Variants in PLEKHG1 observed in about 807,000 individuals in gnomAD.
PLEKHG1 encodes the protein pleckstrin homology domain-containing family G member 1.
In PLEKHG1, 44 loss-of-function variants were observed where a neutral mutation model predicts 100.8. That is an observed-to-expected ratio of 0.44 (90% CI 0.34 to 0.56). The LOEUF (loss-of-function observed/expected upper bound fraction) is 0.56, where lower values mean the gene tolerates loss of function less well. Ranked by LOEUF, PLEKHG1 falls within the 20% of genes least tolerant of loss-of-function variation. PLEKHG1 has a pLI of 0.01. For synonymous variants in PLEKHG1, 640 were observed against 662.5 expected (o/e 0.97, Z 0.52); for missense variants, 1,545 against 1,720.9 (o/e 0.90, Z 1.81).
At chr6:150,634,382 G>A (rs1582851880) in intron 1 of PLEKHG1, among the ~76,000 whole-genome samples, 1 of 152,276 alleles carries the variant, frequency 6.6e-6, no homozygotes. Flanking sequence ...GAGCTTGATG[G>A]AGTTGGAGAA....
At chr6:150,752,587 G>A (rs1783582785) in intron 2 of PLEKHG1, among the ~76,000 whole-genome samples, 1 of 152,154 alleles carries the variant, frequency 6.6e-6, no homozygotes, top group South Asian at 2.1e-4. Context: ...ATGTTTCCAA[G>A]GTTCATTCAT....
intron 10 of PLEKHG1, among the ~76,000 whole-genome samples, chr6:150,813,520 G>C (rs1228909139): frequency 6.6e-6 from 1 of 152,048 alleles, no homozygotes; most frequent in Non-Finnish European, 1.5e-5. Flanking sequence ...AAGGTTCCCA[G>C]GGCGGGGGTG....
chr6:150,725,319 G>T (rs1205856086), intron 1 of PLEKHG1, among the ~76,000 whole-genome samples: 3 of 152,126 alleles, frequency 2.0e-5, no homozygotes, highest in Admixed American at 6.5e-5. Flanking sequence ...ACCTTGGTGA[G>T]TAAGTTTCAA....
intron 2 of PLEKHG1, among the ~76,000 whole-genome samples, chr6:150,766,636 T>G (rs1784467548): frequency 6.6e-6 from 1 of 152,224 alleles, no homozygotes; most frequent in Admixed American, 6.5e-5. Flanking sequence ...CTTTTAAAAT[T>G]TAGTTTCTCT....
At chr6:150,647,613 G>T (rs1029992858) in intron 2 of PLEKHG1, among the ~76,000 whole-genome samples, 1 of 152,094 alleles carries the variant, frequency 6.6e-6, no homozygotes, top group African/African-American at 2.4e-5. Flanking sequence ...CCGTGATTCA[G>T]TGAAGTGCAG....
chr6:150,626,120 A>G (rs1562391744), intron 1 of PLEKHG1: 1 of 138,678 alleles, frequency 7.2e-6, no homozygotes, highest in Non-Finnish European at 1.5e-5. Flanking sequence ...CCACGATGGC[A>G]AGTAAGTTAT....
chr6:150,715,948 A>C (rs1046063814), intron 3 of PLEKHG1, among the ~76,000 whole-genome samples: 2 of 148,508 alleles, frequency 1.3e-5, no homozygotes, highest in Non-Finnish European at 3.0e-5. Flanking sequence ...CTCTACTAAA[A>C]ATACAAAAAA....
At chr6:150,675,009 C>A (rs188380494) in intron 3 of PLEKHG1, among the ~76,000 whole-genome samples, 1 of 152,054 alleles carries the variant, frequency 6.6e-6, no homozygotes, top group Non-Finnish European at 1.5e-5. Context: ...TAAAAAGACA[C>A]ACACAAATTG....
chr6:150,826,314 C>T (rs575327733), intron 14 of PLEKHG1, among the ~76,000 whole-genome samples: 16 of 151,970 alleles, frequency 1.1e-4, no homozygotes, highest in East Asian at 3.9e-4. Context: ...AAAAATTAGC[C>T]GGGCATAGCG....
chr6:150,831,235 C>T lies in PLEKHG1; in HGVS notation c.2124C>T (p.His708=). The change falls in exon 15 of 16, where the codon CAC becomes CAT. Residue 708 remains histidine, a synonymous_variant. Transcript: ENST00000358517. This position sits in a 1 kb window ranked among gnomAD's most constrained non-coding sequence, Gnocchi z 4.1. Reference sequence around the variant, plus strand: ...CCTTCACAAAGAGGCAAGCTGGCCACAGTAAGGGCTCTCTTTACGCACAAA... The same window carrying T: ...CCTTCACAAAGAGGCAAGCTGGCCATAGTAAGGGCTCTCTTTACGCACAAA... 1 of 1,614,136 alleles carries T rather than the reference C, an allele frequency of 6.2e-7. No homozygotes were observed. The highest frequency in any genetic ancestry group is 8.5e-7 in the Non-Finnish European group (1 of 1,180,014).
intron 1 of PLEKHG1, among the ~76,000 whole-genome samples, chr6:150,609,193 A>G (rs987332219): frequency 6.6e-6 from 1 of 152,230 alleles, no homozygotes; most frequent in Admixed American, 6.5e-5. Context: ...TATTCAACAC[A>G]TGTCCCTTTC....
chr6:150,730,638 C>A (rs991326441), intron 1 of PLEKHG1, among the ~76,000 whole-genome samples: 1 of 152,154 alleles, frequency 6.6e-6, no homozygotes, highest in Non-Finnish European at 1.5e-5. Context: ...GGCAGTGGCT[C>A]ACACCTATAA....
At chr6:150,724,558 C>CTTTTTTTTTTTTTT (rs34140367) in intron 1 of PLEKHG1, among the ~76,000 whole-genome samples, 15 of 100,484 alleles carry the variant, frequency 1.5e-4, no homozygotes, top group African/African-American at 5.0e-4. Context: ...TTTTCTTTTT[C>CTTTTTTTTTTTTTT]TTTTTTTTTT....
chr6:150,662,928 G>A (rs1039031176), intron 3 of PLEKHG1: 8 of 152,236 alleles, frequency 5.3e-5, no homozygotes, highest in African/African-American at 1.4e-4. Flanking sequence ...ATGAACATGA[G>A]CTTTTCTATC....
chr6:150,830,934 G>A (rs572482738), exon 15 of PLEKHG1: 46 of 1,614,064 alleles, frequency 2.8e-5, no homozygotes, highest in Admixed American at 2.0e-4. Context: ...ATTGTCAGGC[G>A]GGCCAGCAGT....
At chr6:150,643,823 TAA>T (rs1305867996) in intron 2 of PLEKHG1, among the ~76,000 whole-genome samples, 2 of 152,090 alleles carry the variant, frequency 1.3e-5, no homozygotes, top group East Asian at 3.9e-4. Context: ...AAATAGCTAC[TAA>T]AAGATTTGTA....
chr6:150,632,626 T>A (rs1777811559), intron 1 of PLEKHG1, among the ~76,000 whole-genome samples: 2 of 152,192 alleles, frequency 1.3e-5, no homozygotes, highest in Non-Finnish European at 2.9e-5. Context: ...TGGTAACAAA[T>A]GTCCTAGGGC....
chr6:150,755,231 C>T (rs1270337922), intron 2 of PLEKHG1, among the ~76,000 whole-genome samples: 1 of 151,962 alleles, frequency 6.6e-6, no homozygotes, highest in Non-Finnish European at 1.5e-5. Context: ...CCGCCTAGGC[C>T]TCCCAAAGTG....
At chr6:150,666,824 A>G (rs1457112054) in intron 3 of PLEKHG1, among the ~76,000 whole-genome samples, 1 of 150,868 alleles carries the variant, frequency 6.6e-6, no homozygotes, top group African/African-American at 2.4e-5. Flanking sequence ...GCAGTGGCGC[A>G]ATCTCGGCTC....
Sources: allele counts gnomAD v4.1 joint callset (sites outside exome capture counted in the v4.1 genomes callset), GRCh38; gene constraint gnomAD v4.1.1; non-coding constraint Gnocchi (gnomAD v3.1); transcripts MANE v1.5; gene names NCBI Gene and HGNC (gene_info 2026-07-23, HGNC 2026-07-21).